Variants in SPNS3 observed in about 807,000 individuals in gnomAD.
SPNS3 encodes the protein SPNS lysolipid transporter 3, sphingosine-1-phosphate (putative), also known as protein spinster homolog 3.
In SPNS3, 51 loss-of-function variants were observed where a neutral mutation model predicts 54.4. The observed-to-expected ratio is 0.94, with a 90% CI of 0.75 to 1.18. The LOEUF (loss-of-function observed/expected upper bound fraction) is 1.18. SPNS3 is among the 50% of genes most tolerant of loss of function. SPNS3 has a pLI of 0.00. For synonymous variants in SPNS3, 309 were observed against 294.7 expected, an observed-to-expected ratio of 1.05 and a Z score of -0.50; for missense variants, 669 against 677.4, an observed-to-expected ratio of 0.99 and a Z score of 0.14.
intron 2 of SPNS3, among the ~76,000 whole-genome samples, chr17:4,444,453 G>A (rs1331535256): frequency 6.6e-6 from 1 of 151,652 alleles, no homozygotes; most frequent in Admixed American, 6.6e-5. Context: ...AAACTCCTGA[G>A]CTCAGGCAAT....
Position 4,445,045 on chromosome 17 carries a change from C to T in SPNS3, c.279C>T (p.Cys93=). Reference sequence around the variant, plus strand: ...TGTCTCCTTCAGTCTTCGTTAGCTGCCTGCTGCTGTCTGCACCTGTGTTTG... The same window carrying T: ...TGTCTCCTTCAGTCTTCGTTAGCTGTCTGCTGCTGTCTGCACCTGTGTTTG... ...AGLLQTVFVS[C]LLLSAPVFGY... is the part of the protein sequence containing the mutation. Residue 93 remains cysteine, a synonymous_variant, in exon 3 of 12, where the codon TGC becomes TGT. Transcript: ENST00000355530. 1 of 1,613,842 alleles carries T rather than the reference C, an allele frequency of 6.2e-7. No homozygotes were observed. The highest frequency in any genetic ancestry group is 8.5e-7 in the Non-Finnish European group (1 of 1,179,828).
chr17:4,433,967 C>G lies in SPNS3; in HGVS notation c.-1C>G. 6.6e-7 allele frequency: 1 copy of G among 1,523,942 alleles called. No homozygotes were observed. 94.4% of individuals were successfully genotyped at this position (1,523,942 alleles called of 1,614,324 possible). A position where few individuals can be genotyped will look rare whatever the true frequency, so the allele number is the denominator to read the frequency against. Reference sequence around the variant, plus strand: ...TCTCAGGCCAAGAGCTGCAGGCTGGCATGGCTGGGGGGATGTCAGCGGAGT... The same window carrying G: ...TCTCAGGCCAAGAGCTGCAGGCTGGGATGGCTGGGGGGATGTCAGCGGAGT... On this transcript the variant is annotated 5_prime_UTR_variant, in exon 1 of 12. Coordinates refer to ENST00000355530, the MANE Select transcript of SPNS3 (RefSeq NM_182538.5).
At position 4,446,806 on chromosome 17, in the gene SPNS3, T is replaced by TG. The variant is rs752952107; in HGVS notation, c.555-82dup. The TG allele has an allele frequency of 2.8e-3, 3,393 of 1,226,284 alleles. 9 individuals carry two copies. Among genetic ancestry groups the TG allele is most frequent in the East Asian group, 4.4e-3 (190 of 42,912 alleles). The allele number at this position is 1,226,284 out of a possible 1,614,324, so 76.0% of individuals were successfully genotyped here. ...TGCAGAGAGCCAGCTCCCTGGGGCG[T>TG]GGGGGGGGCACCCTGGGTCAGGCTG... On this transcript the variant is annotated intron_variant, in intron 4 of 11. Coordinates refer to ENST00000355530, the MANE Select transcript of SPNS3 (RefSeq NM_182538.5).
chr17:4,478,974 C>T (rs762129740), intron 9 of SPNS3, among the ~76,000 whole-genome samples: 2 of 152,206 alleles, frequency 1.3e-5, no homozygotes, highest in African/African-American at 2.4e-5. Context: ...CAGAGTTTCA[C>T]TCTTGTTGCC....
intron 7 of SPNS3, among the ~76,000 whole-genome samples, chr17:4,452,569 C>T (rs1971194298): frequency 6.6e-6 from 1 of 151,980 alleles, no homozygotes; most frequent in African/African-American, 2.4e-5. Flanking sequence ...ATCACAGGGG[C>T]TCAGTAAATA....
chr17:4,446,555 C>T (rs1970993005), intron 4 of SPNS3: 1 of 518,110 alleles, frequency 1.9e-6, no homozygotes, highest in African/African-American at 1.9e-5. Flanking sequence ...TAGGCCAGAG[C>T]AGGATTTGCA....
At chr17:4,464,069 C>T (rs893968623) in intron 8 of SPNS3, among the ~76,000 whole-genome samples, 17 of 152,166 alleles carry the variant, frequency 1.1e-4, no homozygotes, top group African/African-American at 3.9e-4. Context: ...TCCCAGATTT[C>T]CTGAAGTAGG....
intron 8 of SPNS3, among the ~76,000 whole-genome samples, chr17:4,457,212 C>A (rs1172261607): frequency 6.6e-6 from 1 of 152,304 alleles, no homozygotes; most frequent in East Asian, 1.9e-4. Context: ...GACAATGTAG[C>A]AAGACCCTGT....
chr17:4,452,991 AC>A, intron 7 of SPNS3, 24 bp from the exon 8 acceptor site: 1 of 1,603,958 alleles, frequency 6.2e-7, no homozygotes, highest in Non-Finnish European at 8.5e-7. Context: ...CAGCTGACCA[AC>A]CCTTCTGTGC....
At position 4,486,686 on chromosome 17, in the gene SPNS3, C is replaced by T; in HGVS notation, c.1450+103C>T. The T allele has an allele frequency of 3.1e-6, 4 of 1,270,478 alleles. No individual in the cohort carries two copies. Among genetic ancestry groups the T allele is most frequent in the Non-Finnish European group, 4.3e-6 (4 of 930,938 alleles). 78.7% of individuals were successfully genotyped at this position (1,270,478 alleles called of 1,614,324 possible). ...CTGGCCAGTTTGTTTGTTCATTCATCCAGAAATGCTTAGTACACCCCTGCT... is the reference window on the plus strand; with the variant it reads ...CTGGCCAGTTTGTTTGTTCATTCATTCAGAAATGCTTAGTACACCCCTGCT... On this transcript the variant is annotated intron_variant, in intron 11 of 11. Coordinates refer to ENST00000355530, the MANE Select transcript of SPNS3 (RefSeq NM_182538.5). The surrounding 1 kb of genome is among the most constrained non-coding windows in gnomAD (Gnocchi z 5.5).
At chr17:4,444,844 C>G (rs1597306088) in intron 2 of SPNS3, 188 bp from the exon 3 acceptor site, 4 of 704,504 alleles carry the variant, frequency 5.7e-6, no homozygotes, top group East Asian at 5.1e-5. Context: ...CCTCCACACT[C>G]TGGGCTGCGG....
chr17:4,453,357 A>C, intron 8 of SPNS3, 152 bp downstream of exon 8: 1 of 792,270 alleles, frequency 1.3e-6, no homozygotes, highest in Non-Finnish European at 1.9e-6. Flanking sequence ...AGATCAGTAA[A>C]GAGAAGCTTG....
intron 11 of SPNS3, 99 bp from the exon 12 acceptor site, chr17:4,487,707 G>T: frequency 9.5e-7 from 1 of 1,053,600 alleles, no homozygotes; most frequent in African/African-American, 1.5e-5. Context: ...CTGCATTTGG[G>T]ACAGAGAGGA....
intron 8 of SPNS3, among the ~76,000 whole-genome samples, chr17:4,476,681 C>T (rs1972010933): frequency 1.3e-5 from 2 of 152,154 alleles, no homozygotes; most frequent in African/African-American, 4.8e-5. Flanking sequence ...TGCCTGCCAG[C>T]GACTTCCTGA....
At chr17:4,485,511 C>T (rs879810113) in intron 9 of SPNS3, among the ~76,000 whole-genome samples, 1 of 152,016 alleles carries the variant, frequency 6.6e-6, no homozygotes, top group Non-Finnish European at 1.5e-5. Flanking sequence ...AATTCTCCTG[C>T]CTCAACCTCC....
At chr17:4,464,558 T>C (rs1971626868) in intron 8 of SPNS3, among the ~76,000 whole-genome samples, 1 of 152,170 alleles carries the variant, frequency 6.6e-6, no homozygotes, top group Non-Finnish European at 1.5e-5. Flanking sequence ...GTGTGACTTG[T>C]GTGACCTAGG....
Position 4,458,586 on chromosome 17 carries a change from C to T in SPNS3, c.1113+5381C>T, listed in dbSNP as rs1449076395. On this transcript the variant is annotated intron_variant, in intron 8 of 11. Coordinates refer to ENST00000355530, the MANE Select transcript of SPNS3 (RefSeq NM_182538.5). ...CTTCCCTCCTTTCTTTCTTCCTTCC[C>T]TCCTTTCTTTCTTTCTTTCTTTCTT... is the stretch of plus-strand genomic sequence containing the variant. Among the ~76,000 whole-genome samples, 220 of 66,738 alleles carry T rather than the reference C, an allele frequency of 3.3e-3. 2 individuals carry two copies. Among genetic ancestry groups the T allele is most frequent in the Middle Eastern group, 6.2e-3 (1 of 162 alleles). The allele number at this position is 66,738 out of a possible 152,430, so 43.8% of individuals were successfully genotyped here.
chr17:4,441,201 G>A (rs2143998887), intron 2 of SPNS3, among the ~76,000 whole-genome samples: 1 of 152,308 alleles, frequency 6.6e-6, no homozygotes, highest in Middle Eastern at 3.4e-3. Context: ...ATGTGTGGAG[G>A]AGTACATAGT....
At chr17:4,466,223 G>C (rs924997102) in intron 8 of SPNS3, among the ~76,000 whole-genome samples, 2 of 152,226 alleles carry the variant, frequency 1.3e-5, no homozygotes, top group Non-Finnish European at 2.9e-5. Context: ...AAAAGTATGT[G>C]TGTGTAATAC....
Sources: allele counts gnomAD v4.1 joint callset (sites outside exome capture counted in the v4.1 genomes callset), GRCh38; gene constraint gnomAD v4.1.1; non-coding constraint Gnocchi (gnomAD v3.1); transcripts MANE v1.5; gene names NCBI Gene and HGNC (gene_info 2026-07-23, HGNC 2026-07-21).